Variants in RAD1 observed in about 807,000 individuals in gnomAD.
RAD1 encodes the protein RAD1 checkpoint DNA exonuclease, also known as cell cycle checkpoint protein RAD1.
RAD1 carries 21 observed loss-of-function variants against 30.0 expected under a neutral mutation model. That is an observed-to-expected ratio of 0.70 (90% CI 0.50 to 1.01). The LOEUF is 1.01. Among genes scored for constraint, RAD1 ranks in the 50% least tolerant of loss-of-function variants. The probability of loss-of-function intolerance (pLI) is 0.00; values close to 1 mark genes in which losing one functional copy is unlikely to be tolerated. For synonymous variants in RAD1, 109 were observed against 113.6 expected (o/e 0.96, Z 0.26); for missense variants, 329 against 329.0 (o/e 1.00, Z 0.00).
chr5:34,913,434 T>A, intron 3 of RAD1, 36 bp downstream of exon 3: 1 of 1,286,878 alleles, frequency 7.8e-7, no homozygotes, highest in Non-Finnish European at 1.1e-6. Context: ...CCACTATGTA[T>A]AACACTTTTA....
intron 2 of RAD1, chr5:34,913,794 G>T: frequency 1.8e-6 from 1 of 545,852 alleles, no homozygotes; most frequent in Non-Finnish European, 3.4e-6. Flanking sequence ...ACTCTCCCTT[G>T]TCTCGTTTTT....
rs1275815697 is a variant in RAD1, at chr5:34,906,261, A to G, written c.*2504T>C. On this transcript the variant is annotated 3_prime_UTR_variant, in exon 6 of 6. Transcript: ENST00000382038. ...TGTGAGCCACCACTCCCGGCCTAAA[A>G]TAATAGTTTTAAATGTACAAAAATA... 3 of 152,164 alleles carry G rather than the reference A, an allele frequency of 2.0e-5. No individual in the cohort carries two copies. In the South Asian group the frequency reaches 6.2e-4, roughly 32 times the overall value. 9.4% of individuals were successfully genotyped at this position (152,164 alleles called of 1,614,324 possible). A position where few individuals can be genotyped will look rare whatever the true frequency, so the allele number is the denominator to read the frequency against.
chr5:34,908,592 A>C lies in RAD1; in HGVS notation c.*173T>G, dbSNP rs1323915526. On this transcript the variant is annotated 3_prime_UTR_variant, in exon 6 of 6. Coordinates refer to ENST00000382038, the MANE Select transcript of RAD1 (RefSeq NM_002853.4). ...AAACATTTATTTACATGCCCTCTAC[A>C]AAATGGATTTACAAAACATAGTAAC... 1 of 555,582 alleles carries C rather than the reference A, an allele frequency of 1.8e-6. No individual in the cohort carries two copies. The highest frequency in any genetic ancestry group is 1.9e-5 in the African/African-American group (1 of 52,800). The allele number at this position is 555,582 out of a possible 1,614,324, so 34.4% of individuals were successfully genotyped here.
intron 3 of RAD1, among the ~76,000 whole-genome samples, chr5:34,912,481 A>G (rs1237844545): frequency 2.0e-5 from 3 of 152,174 alleles, no homozygotes; most frequent in African/African-American, 7.2e-5. Context: ...GCTGGAGAAC[A>G]CTGTATTAGA....
chr5:34,915,273 G>A, intron 1 of RAD1, 143 bp downstream of exon 1: 2 of 280,028 alleles, frequency 7.1e-6, no homozygotes, highest in Non-Finnish European at 6.8e-6. Context: ...CACCAGCCCC[G>A]CCTCCAACAA....
At chr5:34,910,664 G>C (rs540956381) in intron 4 of RAD1, among the ~76,000 whole-genome samples, 2 of 152,286 alleles carry the variant, frequency 1.3e-5, no homozygotes, top group South Asian at 4.1e-4. Context: ...CTGACCTCAA[G>C]TGATCTGCCC....
At chr5:34,913,435 A>C (rs762736219) in intron 3 of RAD1, 35 bp downstream of exon 3, 1 of 1,296,152 alleles carries the variant, frequency 7.7e-7, no homozygotes, top group Non-Finnish European at 1.1e-6. Flanking sequence ...CACTATGTAT[A>C]ACACTTTTAT....
At position 34,908,512 on chromosome 5, in the gene RAD1, A is replaced by C. The variant is rs1461977455; in HGVS notation, c.*253T>G. On this transcript the variant is annotated 3_prime_UTR_variant, in exon 6 of 6. Coordinates refer to ENST00000382038, the MANE Select transcript of RAD1 (RefSeq NM_002853.4). ...GTTACGCTGACTCACAATTATTCCC[A>C]TGAGTTCAAAAGACAGAACTAAAGG... 2 of 304,092 alleles carry C rather than the reference A, an allele frequency of 6.6e-6. No homozygotes were observed. Among genetic ancestry groups the C allele is most frequent in the East Asian group, 1.1e-4 (2 of 18,220 alleles). 18.8% of individuals were successfully genotyped at this position (304,092 alleles called of 1,614,324 possible).
chr5:34,911,385 G>A (rs1368794978), intron 4 of RAD1, among the ~76,000 whole-genome samples, 169 bp downstream of exon 4: 1 of 152,104 alleles, frequency 6.6e-6, no homozygotes, highest in African/African-American at 2.4e-5. Flanking sequence ...TAATCTTCCT[G>A]GGTCTTAAGT....
Position 34,909,310 on chromosome 5 carries a change from T to C in RAD1, c.613A>G (p.Lys205Glu). 3 of 1,611,756 alleles carry C rather than the reference T, an allele frequency of 1.9e-6. No individual in the cohort carries two copies. Among genetic ancestry groups the C allele is most frequent in the Non-Finnish European group, 2.5e-6 (3 of 1,178,212 alleles). ...NAGSSHLDYP[K>E]DSDLMEAFHC... ...AATGCTTCCATCAAATCAGAATCTT[T>C]GGGATAGTCAAGGTGGGAACTTCCT... Residue 205 changes from lysine (K) to glutamate (E), a missense_variant, in exon 5 of 6, where the codon AAA becomes GAA. Lys to Glu is a moderately conservative substitution (Grantham distance 56). Coordinates refer to ENST00000382038, the MANE Select transcript of RAD1 (RefSeq NM_002853.4).
chr5:34,911,710 T>C lies in RAD1; in HGVS notation c.410A>G (p.Gln137Arg). 6.2e-7 allele frequency: 1 copy of C among 1,614,174 alleles called. No individual in the cohort carries two copies. Among genetic ancestry groups the C allele is most frequent in the Non-Finnish European group, 8.5e-7 (1 of 1,180,030 alleles). Residue 137 changes from glutamine (Q) to arginine (R), a missense_variant, in exon 4 of 6, where the codon CAG (glutamine) becomes CGG (arginine). Transcript: ENST00000382038. ...AAAGTCCAGGGTCTCCTCAGGTTCCTGTGTATTGATTTTGCAGACTGTCAC... is the reference window on the plus strand; with the variant it reads ...AAAGTCCAGGGTCTCCTCAGGTTCCCGTGTATTGATTTTGCAGACTGTCAC... ...GVVTVCKINT[Q>R]EPEETLDFDF...
chr5:34,914,952 C>A lies in RAD1; in HGVS notation c.-60G>T. 2 of 1,572,808 alleles carry A rather than the reference C, an allele frequency of 1.3e-6. No individual in the cohort carries two copies. Among genetic ancestry groups the A allele is most frequent in the Admixed American group, 1.7e-5 (1 of 58,944 alleles). On this transcript the variant is annotated 5_prime_UTR_variant, in exon 2 of 6. Coordinates refer to ENST00000382038, the MANE Select transcript of RAD1 (RefSeq NM_002853.4). ...TGGGGCCAACAACTTCTCGGCGGATCGCCAAACACCTGAAGGGATTAGACA... is the reference window on the plus strand; with the variant it reads ...TGGGGCCAACAACTTCTCGGCGGATAGCCAAACACCTGAAGGGATTAGACA...
In RAD1 at chr5:34,913,574, C is replaced by G. The variant is rs760690210; in HGVS notation, c.203G>C (p.Gly68Ala). The G allele has an allele frequency of 4.5e-6, 7 of 1,566,146 alleles. No homozygotes were observed. Among genetic ancestry groups the G allele is most frequent in the Admixed American group, 1.9e-5 (1 of 52,684 alleles). ...CTGAACTTTAAACTCCTGAAATATT[C>G]CAGCCTATGAAAAGAGTAAAAATGA... is the stretch of plus-strand genomic sequence containing the variant. ...CVQANAFIQA[G>A]IFQEFKVQEE... The change falls in exon 3 of 6, where the codon GGA becomes GCA. Residue 68 changes from glycine (G) to alanine (A), a missense_variant. Physicochemically the swap from Gly to Ala is moderately conservative, Grantham distance 60. Transcript: ENST00000382038.
chr5:34,915,294 G>C, intron 1 of RAD1, 122 bp downstream of exon 1: 1 of 275,332 alleles, frequency 3.6e-6, no homozygotes, highest in Non-Finnish European at 6.9e-6. Context: ...AACAGGCGAT[G>C]GCGGGGCGGG....
In RAD1 at chr5:34,906,962, T is replaced by C. The variant is rs1763671836; in HGVS notation, c.*1803A>G. On this transcript the variant is annotated 3_prime_UTR_variant, in exon 6 of 6. Coordinates refer to ENST00000382038, the MANE Select transcript of RAD1 (RefSeq NM_002853.4). ...TCTGACAACATTTAGTAAATTCATT[T>C]GTTTCCTTCTTGAATACAAACATTT... 1 of 152,240 alleles carries C rather than the reference T, an allele frequency of 6.6e-6. No homozygotes were observed. Among genetic ancestry groups the C allele is most frequent in the African/African-American group, 2.4e-5 (1 of 41,470 alleles). 9.4% of individuals were successfully genotyped at this position (152,240 alleles called of 1,614,324 possible). A position where few individuals can be genotyped will look rare whatever the true frequency, so the allele number is the denominator to read the frequency against.
At chr5:34,915,039 G>A (rs1401227849) in intron 1 of RAD1, 78 bp from the exon 2 acceptor site, 7 of 772,140 alleles carry the variant, frequency 9.1e-6, no homozygotes, top group Middle Eastern at 2.7e-4. Context: ...GAGGTGGAAA[G>A]GGGCTGGGAG....
intron 2 of RAD1, 62 bp from the exon 3 acceptor site, chr5:34,913,640 C>A: frequency 1.0e-6 from 1 of 987,962 alleles, no homozygotes; most frequent in South Asian, 1.6e-5. Context: ...AATATAAGGT[C>A]CTAGATTTCA....
At chr5:34,911,868 C>T (rs1415110713) in intron 3 of RAD1, 56 bp from the exon 4 acceptor site, 2 of 1,564,082 alleles carry the variant, frequency 1.3e-6, no homozygotes, top group African/African-American at 2.7e-5. Flanking sequence ...GGTTCAGCTT[C>T]TCCTCGAAAT....
In RAD1 at chr5:34,906,309, A is replaced by G. The variant is rs1357639406; in HGVS notation, c.*2456T>C. ...ATATCCATCCTTACTGAGCTGATTT[A>G]TATTTGTTTTAAATTCTTTTTAGAT... On this transcript the variant is annotated 3_prime_UTR_variant, in exon 6 of 6. Transcript: ENST00000382038. 1.3e-5 allele frequency: 2 copies of G among 152,130 alleles called. No homozygotes were observed. The highest frequency in any genetic ancestry group is 4.8e-5 in the African/African-American group (2 of 41,412). 9.4% of individuals were successfully genotyped at this position (152,130 alleles called of 1,614,324 possible).
Sources: gnomAD v4.1 joint callset for allele counts (sites outside exome capture counted in the v4.1 genomes callset) on GRCh38, gnomAD v4.1.1 for gene constraint, MANE v1.5 for transcripts, NCBI Gene and HGNC (gene_info 2026-07-23, HGNC 2026-07-21) for gene names.